SLC25A1: variants seen among roughly 807,000 people sequenced by gnomAD.
The protein encoded by SLC25A1 is solute carrier family 25 member 1.
SLC25A1 carries 26 observed loss-of-function variants against 38.1 expected under a neutral mutation model. The ratio of observed to expected loss-of-function variants is 0.68; its 90% CI spans 0.50 to 0.95. SLC25A1 has a LOEUF of 0.95. Among genes scored for constraint, SLC25A1 ranks in the 40% least tolerant of loss-of-function variants. SLC25A1 has a pLI of 0.00. For synonymous variants in SLC25A1, 211 were observed against 183.2 expected (o/e 1.15, Z -1.23); for missense variants, 378 against 426.6 (o/e 0.89, Z 1.00).
rs1270490552 is a variant in SLC25A1 at position 19,178,616 on chromosome 22, C to T, written c.58G>A (p.Ala20Thr). 4.7e-5 allele frequency: 56 copies of T among 1,203,082 alleles called. No homozygotes were observed. Among genetic ancestry groups the T allele is most frequent in the Non-Finnish European group, 5.7e-5 (55 of 969,468 alleles). The allele number at this position is 1,203,082 out of a possible 1,614,324, so 74.5% of individuals were successfully genotyped here. A position where few individuals can be genotyped will look rare whatever the true frequency, so the allele number is the denominator to read the frequency against. ...LAAAAPASGKAKLTHPGKAIL... is the reference protein window; with the variant it reads ...LAAAAPASGKTKLTHPGKAIL... ...GCCTTCCCCGGGTGCGTCAGCTTGG[C>T]CTTCCCGGACGCGGGCGCGGCGGCC... The change falls in exon 1 of 9, where the codon GCC becomes ACC. Residue 20 changes from alanine (A) to threonine (T), a missense_variant. By Grantham distance (58) the Ala-to-Thr change is moderately conservative. Coordinates refer to ENST00000215882, the MANE Select transcript of SLC25A1 (RefSeq NM_005984.5). This position sits in a 1 kb window ranked among gnomAD's most constrained non-coding sequence, Gnocchi z 4.9.
rs967454635 is a variant in SLC25A1 at position 19,178,108 on chromosome 22, G to A, written c.202+25C>T. On this transcript the variant is annotated intron_variant, in intron 2 of 8. Coordinates refer to ENST00000215882, the MANE Select transcript of SLC25A1 (RefSeq NM_005984.5). The surrounding 1 kb of genome is among the most constrained non-coding windows in gnomAD (Gnocchi z 4.9). The stretch of plus-strand genomic sequence containing the variant: ...GCCGCCCTGGGTACCCGCCCCCCGC[G>A]GCGCCGCGGCCTCCCCCTCCTCACC... 4 of 1,532,734 alleles carry A rather than the reference G, an allele frequency of 2.6e-6. No homozygotes were observed. Among genetic ancestry groups the A allele is most frequent in the Admixed American group, 2.1e-5 (1 of 48,296 alleles). 94.9% of individuals were successfully genotyped at this position (1,532,734 alleles called of 1,614,324 possible). A position where few individuals can be genotyped will look rare whatever the true frequency, so the allele number is the denominator to read the frequency against.
chr22:19,178,345 G>A lies in SLC25A1; in HGVS notation c.95-105C>T. On this transcript the variant is annotated intron_variant, in intron 1 of 8. Transcript: ENST00000215882. This position sits in a 1 kb window ranked among gnomAD's most constrained non-coding sequence, Gnocchi z 4.9. ...TCGGCGCGGCCGCCGCGCCAGTGCC[G>A]CGGGGAACATAGGCTGGGGCCCCAC... 6.6e-7 allele frequency: 1 copy of A among 1,504,986 alleles called. No individual in the cohort carries two copies. Among genetic ancestry groups the A allele is most frequent in the Non-Finnish European group, 8.9e-7 (1 of 1,129,012 alleles). The allele number at this position is 1,504,986 out of a possible 1,614,324, so 93.2% of individuals were successfully genotyped here. A position where few individuals can be genotyped will look rare whatever the true frequency, so the allele number is the denominator to read the frequency against.
chr22:19,177,270 G>A, intron 4 of SLC25A1, 66 bp from the exon 5 acceptor site: 1 of 1,319,734 alleles, frequency 7.6e-7, no homozygotes, highest in Non-Finnish European at 1.1e-6. Flanking sequence ...CTAGCTGGCA[G>A]GCCCAGGGCC....
rs1283119517 is a variant in SLC25A1 at position 19,176,681 on chromosome 22, T to C, written c.644A>G (p.Asn215Ser). Residue 215 changes from asparagine to serine, a missense_variant, in exon 7 of 9, where the codon AAC becomes AGC. Coordinates refer to ENST00000215882, the MANE Select transcript of SLC25A1 (RefSeq NM_005984.5). ...AGTGATCAGAGGGTTCATGGGCTTG[T>C]TGGGGTTGTCCCCTGGATATAGGAG... Reference protein sequence around the residue: ...LRNWYRGDNPNKPMNPLITGV... With the variant: ...LRNWYRGDNPSKPMNPLITGV... The C allele has an allele frequency of 1.9e-6, 3 of 1,613,802 alleles. No individual in the cohort carries two copies. Among genetic ancestry groups the C allele is most frequent in the African/African-American group, 1.3e-5 (1 of 74,926 alleles).
Position 19,177,852 on chromosome 22 carries a change from C to G in SLC25A1, c.316G>C (p.Glu106Gln), listed in dbSNP as rs1555923022. 1.9e-6 allele frequency: 3 copies of G among 1,608,422 alleles called. No homozygotes were observed. Among genetic ancestry groups the G allele is most frequent in the Non-Finnish European group, 1.7e-6 (2 of 1,177,998 alleles). The change falls in exon 4 of 9, where the codon GAG becomes CAG. Residue 106 changes from glutamate (E) to glutamine (Q), a missense_variant. Physicochemically the swap from Glu to Gln is conservative, Grantham distance 29. Coordinates refer to ENST00000215882, the MANE Select transcript of SLC25A1 (RefSeq NM_005984.5). Reference protein sequence around the residue: ...PKAAVRFGMFEFLSNHMRDAQ... With the variant: ...PKAAVRFGMFQFLSNHMRDAQ... ...TCCCGCATGTGGTTGCTGAGGAACT[C>G]GAACATTCCAAACCTGGAGGCGGGA...
At position 19,178,584 on chromosome 22, in the gene SLC25A1, C is replaced by T; in HGVS notation, c.90G>A (p.Leu30=). 8.2e-7 allele frequency: 1 copy of T among 1,220,056 alleles called. No individual in the cohort carries two copies. The allele number at this position is 1,220,056 out of a possible 1,614,324, so 75.6% of individuals were successfully genotyped here. The change falls in exon 1 of 9, where the codon CTG becomes CTA. Residue 30 remains leucine (L), a synonymous_variant. Coordinates refer to ENST00000215882, the MANE Select transcript of SLC25A1 (RefSeq NM_005984.5). This position sits in a 1 kb window ranked among gnomAD's most constrained non-coding sequence, Gnocchi z 4.9. ...AKLTHPGKAI[L]AGGLAGGIEI... is the part of the protein sequence containing the mutation. ...CCGCGTCCCGGAGGGGCCCACCTGC[C>T]AGGATCGCCTTCCCCGGGTGCGTCA...
chr22:19,177,661 G>C, intron 4 of SLC25A1, 66 bp downstream of exon 4: 1 of 1,590,798 alleles, frequency 6.3e-7, no homozygotes, highest in Non-Finnish European at 8.5e-7. Flanking sequence ...GGGAGCACCG[G>C]GCCAGCGGGG....
rs781892126 is a variant in SLC25A1 at position 19,176,671 on chromosome 22, C to T, written c.654G>A (p.Met218Ile). The T allele has an allele frequency of 3.1e-6, 5 of 1,613,976 alleles. No homozygotes were observed. The Admixed American group carries it at 6.7e-5, about 22-fold the overall frequency. Residue 218 changes from methionine (M) to isoleucine (I), a missense_variant, in exon 7 of 9, where the codon ATG (methionine) becomes ATA (isoleucine). Physicochemically the swap from Met to Ile is conservative, Grantham distance 10. Transcript: ENST00000215882. ...CGAAGACCCCAGTGATCAGAGGGTT[C>T]ATGGGCTTGTTGGGGTTGTCCCCTG... ...WYRGDNPNKP[M>I]NPLITGVFGA...
At position 19,176,150 on chromosome 22, in the gene SLC25A1, T is replaced by G. The variant is rs1555922201; in HGVS notation, c.916A>C (p.Lys306Gln). The change falls in exon 9 of 9, where the codon AAA (lysine) becomes CAA (glutamine). Residue 306 changes from lysine to glutamine, a missense_variant. By Grantham distance (53) the Lys-to-Gln change is moderately conservative. Coordinates refer to ENST00000215882, the MANE Select transcript of SLC25A1 (RefSeq NM_005984.5). ...TAGGCTTAGTCCGTCTTCCACACTT[T>G]GTTGAGCAGCTTCACCACTTCATCA... The part of the protein sequence containing the change: ...IYDEVVKLLN[K>Q]VWKTD 6.2e-7 allele frequency: 1 copy of G among 1,613,930 alleles called. No homozygotes were observed. The highest frequency in any genetic ancestry group is 1.1e-5 in the South Asian group (1 of 91,076).
At position 19,178,528 on chromosome 22, in the gene SLC25A1, G is replaced by T; in HGVS notation, c.94+52C>A. 1 of 1,294,340 alleles carries T rather than the reference G, an allele frequency of 7.7e-7. No homozygotes were observed. The allele number at this position is 1,294,340 out of a possible 1,614,324, so 80.2% of individuals were successfully genotyped here. ...AGTGGGGCGGGGCCTCAGCGTCCCG[G>T]GCCCACCCAGAAGCGCGGCGGGAGA... On this transcript the variant is annotated intron_variant, in intron 1 of 8. Coordinates refer to ENST00000215882, the MANE Select transcript of SLC25A1 (RefSeq NM_005984.5). This position sits in a 1 kb window ranked among gnomAD's most constrained non-coding sequence, Gnocchi z 4.9.
At chr22:19,177,038 G>T in intron 5 of SLC25A1, 82 bp downstream of exon 5, 9 of 1,581,010 alleles carry the variant, frequency 5.7e-6, no homozygotes, top group Non-Finnish European at 7.8e-6. Context: ...GTTGCACAAA[G>T]CCCAAGGCAG....
At chr22:19,176,353 G>A in intron 8 of SLC25A1, 68 bp downstream of exon 8, 1 of 1,572,770 alleles carries the variant, frequency 6.4e-7, no homozygotes, top group Non-Finnish European at 8.7e-7. Context: ...AGGGGACAGA[G>A]TGGGCAGGCC....
At position 19,178,365 on chromosome 22, in the gene SLC25A1, C is replaced by A; in HGVS notation, c.95-125G>T. Reference sequence around the variant, plus strand: ...GTGCCGCGGGGAACATAGGCTGGGGCCCCACGCCCCCATGCCCTCACCCCG... The same window carrying A: ...GTGCCGCGGGGAACATAGGCTGGGGACCCACGCCCCCATGCCCTCACCCCG... On this transcript the variant is annotated intron_variant, in intron 1 of 8. Transcript: ENST00000215882. The surrounding 1 kb of genome is among the most constrained non-coding windows in gnomAD (Gnocchi z 4.9). 6.8e-7 allele frequency: 1 copy of A among 1,473,062 alleles called. No homozygotes were observed. The highest frequency in any genetic ancestry group is 9.0e-7 in the Non-Finnish European group (1 of 1,115,822). The allele number at this position is 1,473,062 out of a possible 1,614,324, so 91.2% of individuals were successfully genotyped here.
Position 19,178,351 on chromosome 22 carries a change from A to T in SLC25A1, c.95-111T>A. On this transcript the variant is annotated intron_variant, in intron 1 of 8. Coordinates refer to ENST00000215882, the MANE Select transcript of SLC25A1 (RefSeq NM_005984.5). The surrounding 1 kb of genome is among the most constrained non-coding windows in gnomAD (Gnocchi z 4.9). ...CGGCCGCCGCGCCAGTGCCGCGGGG[A>T]ACATAGGCTGGGGCCCCACGCCCCC... 6.7e-7 allele frequency: 1 copy of T among 1,491,874 alleles called. No individual in the cohort carries two copies. Among genetic ancestry groups the T allele is most frequent in the Non-Finnish European group, 8.9e-7 (1 of 1,123,366 alleles). 92.4% of individuals were successfully genotyped at this position (1,491,874 alleles called of 1,614,324 possible).
At chr22:19,177,636 C>G (rs1424596172) in intron 4 of SLC25A1, 91 bp downstream of exon 4, 1 of 1,555,964 alleles carries the variant, frequency 6.4e-7, no homozygotes, top group Non-Finnish European at 8.7e-7. Context: ...CCCTCCCCAG[C>G]TTGCCGGTTG....
At position 19,176,652 on chromosome 22, in the gene SLC25A1, C is replaced by A; in HGVS notation, c.673G>T (p.Val225Phe). The A allele has an allele frequency of 6.2e-7, 1 of 1,613,976 alleles. No homozygotes were observed. Among genetic ancestry groups the A allele is most frequent in the Non-Finnish European group, 8.5e-7 (1 of 1,180,000 alleles). The change falls in exon 7 of 9, where the codon GTC (valine) becomes TTC (phenylalanine). Residue 225 changes from valine to phenylalanine, a missense_variant. Coordinates refer to ENST00000215882, the MANE Select transcript of SLC25A1 (RefSeq NM_005984.5). ...NKPMNPLITG[V>F]FGAIAGAASV... ...GCTGCGCCTGCAATAGCTCCGAAGA[C>A]CCCAGTGATCAGAGGGTTCATGGGC...
rs2084011139 is a variant in SLC25A1, at chr22:19,178,566, C to T, written c.94+14G>A. ...GCGCGGCGGGAGAGGGGTCCGCGTC[C>T]CGGAGGGGCCCACCTGCCAGGATCG... is the stretch of plus-strand genomic sequence containing the variant. On this transcript the variant is annotated intron_variant, in intron 1 of 8. Coordinates refer to ENST00000215882, the MANE Select transcript of SLC25A1 (RefSeq NM_005984.5). This position sits in a 1 kb window ranked among gnomAD's most constrained non-coding sequence, Gnocchi z 4.9. 3.2e-6 allele frequency: 4 copies of T among 1,237,888 alleles called. No individual in the cohort carries two copies. In the East Asian group the frequency reaches 1.3e-4, roughly 41 times the overall value. The allele number at this position is 1,237,888 out of a possible 1,614,324, so 76.7% of individuals were successfully genotyped here. A position where few individuals can be genotyped will look rare whatever the true frequency, so the allele number is the denominator to read the frequency against.
At chr22:19,176,300 A>G in intron 8 of SLC25A1, 56 bp from the exon 9 acceptor site, 1 of 1,556,832 alleles carries the variant, frequency 6.4e-7, no homozygotes, top group African/African-American at 1.4e-5. Flanking sequence ...GTCCCTGCAC[A>G]GGGCAATCCC....
intron 3 of SLC25A1, 31 bp downstream of exon 3, chr22:19,177,911 C>G (rs782167390): frequency 3.9e-5 from 62 of 1,584,114 alleles, no homozygotes; most frequent in South Asian, 1.7e-4. Flanking sequence ...GCCGAGCCCC[C>G]CTCCCGCAGC....
Sources: allele counts gnomAD v4.1 joint callset, GRCh38; gene constraint gnomAD v4.1.1; non-coding constraint Gnocchi (gnomAD v3.1); transcripts MANE v1.5; gene names NCBI Gene and HGNC (gene_info 2026-07-23, HGNC 2026-07-21).